Variants in CRTAM observed in about 807,000 individuals in gnomAD.
The protein encoded by CRTAM is cytotoxic and regulatory T-cell molecule.
Under a neutral mutation model 50.0 loss-of-function variants are expected in CRTAM, and 44 were observed. The ratio of observed to expected loss-of-function variants is 0.88; its 90% CI spans 0.69 to 1.13. CRTAM has a LOEUF of 1.13. Among genes scored for constraint, CRTAM ranks in the 50% most tolerant of loss-of-function variants. The pLI, the probability that CRTAM is intolerant of heterozygous loss-of-function variation, is 0.00. For synonymous variants in CRTAM, 159 were observed against 169.3 expected, an observed-to-expected ratio of 0.94 and a Z score of 0.47; for missense variants, 448 against 457.5, an observed-to-expected ratio of 0.98 and a Z score of 0.19.
chr11:122,842,942 C>T (rs1280699066), intron 1 of CRTAM, among the ~76,000 whole-genome samples: 1 of 152,128 alleles, frequency 6.6e-6, no homozygotes, highest in East Asian at 1.9e-4. Flanking sequence ...GCAGGACAGG[C>T]TTGCTCTGCT....
At position 122,848,761 on chromosome 11, in the gene CRTAM, T is replaced by A. The variant is rs1253023449; in HGVS notation, c.47-1307T>A. On this transcript the variant is annotated intron_variant, in intron 1 of 9. Transcript: ENST00000227348. ...GTTTAAGATGATGCCGTAAAACTTGTTACATTTGCTATTCATAATTTATAA... is the reference window on the plus strand; with the variant it reads ...GTTTAAGATGATGCCGTAAAACTTGATACATTTGCTATTCATAATTTATAA... 2.0e-5 allele frequency among the ~76,000 whole-genome samples: 3 copies of A among 152,198 alleles called. No homozygotes were observed. The East Asian group carries it at 5.8e-4, about 29-fold the overall frequency.
At chr11:122,854,119 T>C (rs1861973150) in intron 4 of CRTAM, 33 bp downstream of exon 4, 1 of 1,595,852 alleles carries the variant, frequency 6.3e-7, no homozygotes, top group Non-Finnish European at 8.5e-7. Context: ...TTGTCTTCCT[T>C]CCTACTCAAA....
chr11:122,850,022 A>T, intron 1 of CRTAM, 46 bp from the exon 2 acceptor site: 2 of 1,495,394 alleles, frequency 1.3e-6, no homozygotes. Context: ...TCCCTGAGAC[A>T]CTGTGGACCC....
intron 5 of CRTAM, among the ~76,000 whole-genome samples, chr11:122,862,019 G>GAA (rs5795354): frequency 6.6e-6 from 1 of 151,868 alleles, no homozygotes; most frequent in Non-Finnish European, 1.5e-5. Context: ...ACAGATAAGA[G>GAA]AAAAAAAAGT....
At chr11:122,851,626 A>G (rs1861930667) in intron 2 of CRTAM, 67 bp from the exon 3 acceptor site, 2 of 1,466,156 alleles carry the variant, frequency 1.4e-6, no homozygotes, top group South Asian at 1.2e-5. Flanking sequence ...TCTGGCATCT[A>G]CTGGGTAGAG....
intron 7 of CRTAM, among the ~76,000 whole-genome samples, chr11:122,866,583 AT>A (rs990892074): frequency 2.0e-5 from 3 of 150,714 alleles, no homozygotes; most frequent in African/African-American, 2.4e-5. Context: ...AGCCCATAGA[AT>A]CAGAATTCTA....
At chr11:122,849,229 C>A (rs1210842558) in intron 1 of CRTAM, among the ~76,000 whole-genome samples, 2 of 152,190 alleles carry the variant, frequency 1.3e-5, no homozygotes, top group African/African-American at 2.4e-5. Flanking sequence ...GTACTAGATG[C>A]TCTTTTATAA....
intron 9 of CRTAM, 30 bp downstream of exon 9, chr11:122,868,129 A>T (rs1273505426): frequency 5.9e-6 from 8 of 1,357,854 alleles, no homozygotes; most frequent in African/African-American, 1.4e-5. Context: ...TGAGATCTGA[A>T]CAATGAGGTT....
chr11:122,851,894 A>C (rs765316196), intron 3 of CRTAM, 49 bp downstream of exon 3: 9 of 1,564,900 alleles, frequency 5.8e-6, no homozygotes, highest in Non-Finnish European at 7.9e-6. Flanking sequence ...GGATAGGAAC[A>C]CGATATGTCG....
At chr11:122,843,595 G>T (rs1318826201) in intron 1 of CRTAM, among the ~76,000 whole-genome samples, 1 of 152,188 alleles carries the variant, frequency 6.6e-6, no homozygotes, top group Non-Finnish European at 1.5e-5. Flanking sequence ...AAGCTTAAAG[G>T]TAAATGGGGA....
intron 3 of CRTAM, among the ~76,000 whole-genome samples, chr11:122,853,070 C>CT (rs34068369): frequency 0.096 from 13,800 of 144,126 alleles, 918 homozygotes; most frequent in East Asian, 0.36. Flanking sequence ...ATAAATGCAC[C>CT]TTTTTTTTTT....
Position 122,864,731 on chromosome 11 carries a change from C to T in CRTAM, c.817+12C>T, listed in dbSNP as rs754922433. ...TGACTTGACCACCGGTAAGTGTCAC[C>T]CACTGCATTTAGAATAAACACTCGA... On this transcript the variant is annotated intron_variant, in intron 7 of 9. Transcript: ENST00000227348. 8.2e-6 allele frequency: 13 copies of T among 1,589,982 alleles called. No individual in the cohort carries two copies. The South Asian group carries it at 1.3e-4, about 16-fold the overall frequency.
intron 7 of CRTAM, 133 bp downstream of exon 7, chr11:122,864,852 C>T (rs1862148153): frequency 1.6e-6 from 1 of 630,136 alleles, no homozygotes; most frequent in African/African-American, 1.8e-5. Flanking sequence ...TTAATCACTC[C>T]CTTGTCCCTC....
At chr11:122,865,968 C>T (rs759176423) in intron 7 of CRTAM, among the ~76,000 whole-genome samples, 17 of 152,208 alleles carry the variant, frequency 1.1e-4, no homozygotes, top group Admixed American at 3.3e-4. Context: ...TCATCTCCTG[C>T]ATGGAGTATT....
chr11:122,851,919 CT>C, intron 3 of CRTAM, 74 bp downstream of exon 3: 1 of 1,389,204 alleles, frequency 7.2e-7, no homozygotes, highest in Non-Finnish European at 1.0e-6. Flanking sequence ...TAAACTGAAC[CT>C]TTTAGTTTAA....
intron 6 of CRTAM, among the ~76,000 whole-genome samples, chr11:122,863,034 T>C (rs544035781): frequency 4.6e-5 from 7 of 152,320 alleles, no homozygotes; most frequent in Non-Finnish European, 8.8e-5. Flanking sequence ...TGATTGTCAA[T>C]AACTCAGGTC....
rs1249541337 is a variant in CRTAM at position 122,871,536 on chromosome 11, T to G, written c.*137T>G. Reference sequence around the variant, plus strand: ...AATGCAAGATGGTGTCCTCGGATAATGATCTGCCCCGGAGCTAGGGCAGCA... The same window carrying G: ...AATGCAAGATGGTGTCCTCGGATAAGGATCTGCCCCGGAGCTAGGGCAGCA... On this transcript the variant is annotated 3_prime_UTR_variant, in exon 10 of 10. Transcript: ENST00000227348. The G allele has an allele frequency of 6.2e-6, 4 of 649,418 alleles. No individual in the cohort carries two copies. The East Asian group carries it at 1.3e-4, about 21-fold the overall frequency. The allele number at this position is 649,418 out of a possible 1,614,324, so 40.2% of individuals were successfully genotyped here. A position where few individuals can be genotyped will look rare whatever the true frequency, so the allele number is the denominator to read the frequency against.
chr11:122,871,241 ATTCATC>A, intron 9 of CRTAM, 22 bp from the exon 10 acceptor site: 2 of 1,582,940 alleles, frequency 1.3e-6, no homozygotes, highest in East Asian at 2.3e-5. Flanking sequence ...CAAAATAAAT[ATTCATC>A]TTCAACATGT....
At chr11:122,840,080 T>C (rs1861781092) in intron 1 of CRTAM, among the ~76,000 whole-genome samples, 1 of 152,202 alleles carries the variant, frequency 6.6e-6, no homozygotes, top group Non-Finnish European at 1.5e-5. Flanking sequence ...TCACTGACCT[T>C]AACTTTTTCA....
Sources: allele counts gnomAD v4.1 joint callset (sites outside exome capture counted in the v4.1 genomes callset), GRCh38; gene constraint gnomAD v4.1.1; transcripts MANE v1.5; gene names NCBI Gene and HGNC (gene_info 2026-07-23, HGNC 2026-07-21).